Variants in HOXD4 observed in about 807,000 individuals in gnomAD.
The protein encoded by HOXD4 is homeobox protein Hox-D4.
HOXD4 carries 15 observed loss-of-function variants against 22.6 expected under a neutral mutation model. That is an observed-to-expected ratio of 0.67 (90% CI 0.45 to 1.02). The LOEUF is 1.02. HOXD4 is among the 50% of genes least tolerant of loss of function. The probability of loss-of-function intolerance (pLI) is 0.00; values close to 1 mark genes in which losing one functional copy is unlikely to be tolerated. For missense variants in HOXD4, 350 were observed against 346.6 expected (o/e 1.01, Z -0.08); for synonymous variants, 176 against 157.0 (o/e 1.12, Z -0.90).
Position 176,152,689 on chromosome 2 carries a change from A to C in HOXD4, c.515A>C (p.Glu172Ala). Residue 172 changes from glutamate to alanine, a missense_variant, in exon 2 of 2, where the codon GAA becomes GCA. Physicochemically the swap from Glu to Ala is moderately radical, Grantham distance 107. Coordinates refer to ENST00000306324, the MANE Select transcript of HOXD4 (RefSeq NM_014621.3). This position sits in a 1 kb window ranked among gnomAD's most constrained non-coding sequence, Gnocchi z 5.2. The part of the protein sequence containing the change: ...TRQQVLELEK[E>A]FHFNRYLTRR... ...CAGCAAGTCCTAGAACTGGAAAAAG[A>C]ATTTCATTTTAACAGGTATCTGACA... The C allele has an allele frequency of 6.2e-7, 1 of 1,614,132 alleles. No individual in the cohort carries two copies. The highest frequency in any genetic ancestry group is 1.1e-5 in the South Asian group (1 of 91,082).
Position 176,153,131 on chromosome 2 carries a change from T to TTG in HOXD4, c.*189_*190insTG. 2.9e-6 allele frequency: 1 copy of TTG among 347,150 alleles called. No homozygotes were observed. Among genetic ancestry groups the TTG allele is most frequent in the East Asian group, 8.0e-5 (1 of 12,544 alleles). 21.5% of individuals were successfully genotyped at this position (347,150 alleles called of 1,614,324 possible). A position where few individuals can be genotyped will look rare whatever the true frequency, so the allele number is the denominator to read the frequency against. On this transcript the variant is annotated 3_prime_UTR_variant, in exon 2 of 2. Coordinates refer to ENST00000306324, the MANE Select transcript of HOXD4 (RefSeq NM_014621.3). ...CCCCCTCCCTAGAGCGGGATGGGGA[T>TTG]GGGAGGGGGGGCGGGATTCTCTCTC...
chr2:176,152,152 C>T lies in HOXD4; in HGVS notation c.433+86C>T, dbSNP rs1690545182. On this transcript the variant is annotated intron_variant, in intron 1 of 1. Transcript: ENST00000306324. The surrounding 1 kb of genome is among the most constrained non-coding windows in gnomAD (Gnocchi z 5.2). ...GGAAGGGGGTGCGAGTAGGTGGGGG[C>T]GTGTGGAGCTTCCATGGGCGCCGCA... The T allele has an allele frequency of 1.7e-6, 2 of 1,154,998 alleles. No individual in the cohort carries two copies. Among genetic ancestry groups the T allele is most frequent in the African/African-American group, 1.5e-5 (1 of 65,540 alleles). The allele number at this position is 1,154,998 out of a possible 1,614,324, so 71.5% of individuals were successfully genotyped here.
chr2:176,151,915 G>A lies in HOXD4; in HGVS notation c.282G>A (p.Glu94=), dbSNP rs772092824. 3 of 1,598,648 alleles carry A rather than the reference G, an allele frequency of 1.9e-6. No homozygotes were observed. The highest frequency in any genetic ancestry group is 2.3e-5 in the East Asian group (1 of 44,352). The change falls in exon 1 of 2, where the codon GAG becomes GAA. Residue 94 remains glutamate (E), a synonymous_variant. Coordinates refer to ENST00000306324, the MANE Select transcript of HOXD4 (RefSeq NM_014621.3). ...GPGGHYAAPG[E]PCPAPPAPPP... ...GCGGTCACTACGCCGCTCCAGGAGA[G>A]CCTTGCCCAGCTCCCCCGGCGCCTC...
At position 176,152,006 on chromosome 2, in the gene HOXD4, A is replaced by C; in HGVS notation, c.373A>C (p.Thr125Pro). 1 of 1,613,304 alleles carries C rather than the reference A, an allele frequency of 6.2e-7. No individual in the cohort carries two copies. Among genetic ancestry groups the C allele is most frequent in the Non-Finnish European group, 8.5e-7 (1 of 1,179,796 alleles). The change falls in exon 1 of 2, where the codon ACG becomes CCG. Residue 125 changes from threonine (T) to proline (P), a missense_variant. Thr to Pro is a conservative substitution (Grantham distance 38, BLOSUM62 -1). Transcript: ENST00000306324. This position sits in a 1 kb window ranked among gnomAD's most constrained non-coding sequence, Gnocchi z 5.2. ...CGACCCCAAGCAGCCGCCCTCCGGG[A>C]CGGCACTCAAGCAGCCGGCCGTGGT... ...QSDPKQPPSG[T>P]ALKQPAVVYP...
rs564014954 is a variant in HOXD4, at chr2:176,151,771, C to G, written c.138C>G (p.Phe46Leu). The G allele has an allele frequency of 6.2e-6, 10 of 1,612,708 alleles. No homozygotes were observed. The South Asian group carries it at 7.7e-5, about 12-fold the overall frequency. Residue 46 changes from phenylalanine to leucine, a missense_variant, in exon 1 of 2, where the codon TTC (phenylalanine) becomes TTG (leucine). Phe to Leu is a conservative substitution (Grantham distance 22). Transcript: ENST00000306324. ...GCGGCGGCGCGCAGGGCGCAGACTTCCAGCCCCCGGGGCTCTACCCACGGC... is the reference window on the plus strand; with the variant it reads ...GCGGCGGCGCGCAGGGCGCAGACTTGCAGCCCCCGGGGCTCTACCCACGGC... ...YYGGGAQGADFQPPGLYPRPD... is the reference protein window; with the variant it reads ...YYGGGAQGADLQPPGLYPRPD...
rs1480182988 is a variant in HOXD4 at position 176,152,956 on chromosome 2, G to C, written c.*14G>C. On this transcript the variant is annotated 3_prime_UTR_variant, in exon 2 of 2. Transcript: ENST00000306324. The surrounding 1 kb of genome is among the most constrained non-coding windows in gnomAD (Gnocchi z 5.2). The stretch of plus-strand genomic sequence containing the variant: ...ACGACCTTATAGAAGTGGGGACCCT[G>C]GGCCCATCTCTCCCTGCGCACCAGG... 1 of 1,612,648 alleles carries C rather than the reference G, an allele frequency of 6.2e-7. No homozygotes were observed.
At position 176,151,743 on chromosome 2, in the gene HOXD4, A is replaced by ACGG. The variant is rs1690526624; in HGVS notation, c.119_121dup (p.Gly40dup). ...CTAGGCGAGCAGGGCGCCGACTACT[A>ACGG]CGGCGGCGGCGCGCAGGGCGCAGAC... On this transcript the variant is annotated inframe_insertion, in exon 1 of 2. Coordinates refer to ENST00000306324, the MANE Select transcript of HOXD4 (RefSeq NM_014621.3). 1 of 1,613,046 alleles carries ACGG rather than the reference A, an allele frequency of 6.2e-7. No homozygotes were observed. Among genetic ancestry groups the ACGG allele is most frequent in the Non-Finnish European group, 8.5e-7 (1 of 1,179,906 alleles).
Position 176,152,647 on chromosome 2 carries a change from G to C in HOXD4, c.473G>C (p.Arg158Pro). The change falls in exon 2 of 2, where the codon CGA becomes CCA. Residue 158 changes from arginine to proline, a missense_variant. Physicochemically the swap from Arg to Pro is moderately radical, Grantham distance 103. Coordinates refer to ENST00000306324, the MANE Select transcript of HOXD4 (RefSeq NM_014621.3). The surrounding 1 kb of genome is among the most constrained non-coding windows in gnomAD (Gnocchi z 5.2). Reference sequence around the variant, plus strand: ...ACCGGTGGGGAACCCAAGCGGTCCCGAACGGCCTACACCCGGCAGCAAGTC... The same window carrying C: ...ACCGGTGGGGAACCCAAGCGGTCCCCAACGGCCTACACCCGGCAGCAAGTC... The part of the protein sequence containing the change: ...NYTGGEPKRS[R>P]TAYTRQQVLE... The C allele has an allele frequency of 6.2e-7, 1 of 1,614,110 alleles. No homozygotes were observed. The highest frequency in any genetic ancestry group is 1.1e-5 in the South Asian group (1 of 91,068).
chr2:176,152,792 G>A lies in HOXD4; in HGVS notation c.618G>A (p.Arg206=), dbSNP rs115586056. The change falls in exon 2 of 2, where the codon AGG becomes AGA. Residue 206 remains arginine, a synonymous_variant. Transcript: ENST00000306324. This position sits in a 1 kb window ranked among gnomAD's most constrained non-coding sequence, Gnocchi z 5.2. ...RQIKIWFQNR[R]MKWKKDHKLP... ...TCAAGATCTGGTTCCAGAACCGGAGGATGAAGTGGAAAAAAGATCATAAGC... is the reference window on the plus strand; with the variant it reads ...TCAAGATCTGGTTCCAGAACCGGAGAATGAAGTGGAAAAAAGATCATAAGC... 6.5e-5 allele frequency: 105 copies of A among 1,614,176 alleles called. No individual in the cohort carries two copies. The African/African-American group carries it at 1.1e-3, about 16-fold the overall frequency.
Position 176,153,024 on chromosome 2 carries a change from C to G in HOXD4, c.*82C>G. 7.4e-7 allele frequency: 1 copy of G among 1,348,700 alleles called. No individual in the cohort carries two copies. The highest frequency in any genetic ancestry group is 1.1e-6 in the Non-Finnish European group (1 of 946,096). The allele number at this position is 1,348,700 out of a possible 1,614,324, so 83.5% of individuals were successfully genotyped here. A position where few individuals can be genotyped will look rare whatever the true frequency, so the allele number is the denominator to read the frequency against. On this transcript the variant is annotated 3_prime_UTR_variant, in exon 2 of 2. Transcript: ENST00000306324. ...GGGCAGGCCGGGCCTGCTGTCACCT[C>G]GCTGGGCTCTAAGGTACTGTGGGGT...
rs1236088262 is a variant in HOXD4 at position 176,153,142 on chromosome 2, G to T, written c.*200G>T. 1.8e-5 allele frequency: 9 copies of T among 490,260 alleles called. No individual in the cohort carries two copies. Among genetic ancestry groups the T allele is most frequent in the South Asian group, 1.8e-4 (9 of 49,708 alleles). The allele number at this position is 490,260 out of a possible 1,614,324, so 30.4% of individuals were successfully genotyped here. A position where few individuals can be genotyped will look rare whatever the true frequency, so the allele number is the denominator to read the frequency against. On this transcript the variant is annotated 3_prime_UTR_variant, in exon 2 of 2. Coordinates refer to ENST00000306324, the MANE Select transcript of HOXD4 (RefSeq NM_014621.3). ...GAGCGGGATGGGGATGGGAGGGGGGGCGGGATTCTCTCTCTAAGTATATTA... is the reference window on the plus strand; with the variant it reads ...GAGCGGGATGGGGATGGGAGGGGGGTCGGGATTCTCTCTCTAAGTATATTA...
chr2:176,151,947 C>A lies in HOXD4; in HGVS notation c.314C>A (p.Ala105Glu). 1 of 1,609,640 alleles carries A rather than the reference C, an allele frequency of 6.2e-7. No homozygotes were observed. ...CCAGCTCCCCCGGCGCCTCCGCCGGCGCCCCTGCCTGGCGCCCGGGCCTAC... is the reference window on the plus strand; with the variant it reads ...CCAGCTCCCCCGGCGCCTCCGCCGGAGCCCCTGCCTGGCGCCCGGGCCTAC... ...PCPAPPAPPP[A>E]PLPGARAYSQ... Residue 105 changes from alanine to glutamate, a missense_variant, in exon 1 of 2, where the codon GCG (alanine) becomes GAG (glutamate). Transcript: ENST00000306324.
At position 176,153,117 on chromosome 2, in the gene HOXD4, G is replaced by T. The variant is rs2105424369; in HGVS notation, c.*175G>T. The T allele has an allele frequency of 2.5e-6, 1 of 404,340 alleles. No homozygotes were observed. Among genetic ancestry groups the T allele is most frequent in the Non-Finnish European group, 4.8e-6 (1 of 208,594 alleles). The allele number at this position is 404,340 out of a possible 1,614,324, so 25.0% of individuals were successfully genotyped here. A position where few individuals can be genotyped will look rare whatever the true frequency, so the allele number is the denominator to read the frequency against. ...CTGCCCGAGGGCAGCCCCCTCCCTAGAGCGGGATGGGGATGGGAGGGGGGG... is the reference window on the plus strand; with the variant it reads ...CTGCCCGAGGGCAGCCCCCTCCCTATAGCGGGATGGGGATGGGAGGGGGGG... On this transcript the variant is annotated 3_prime_UTR_variant, in exon 2 of 2. Transcript: ENST00000306324.
chr2:176,151,843 C>G lies in HOXD4; in HGVS notation c.210C>G (p.Gly70=). 1 of 1,596,112 alleles carries G rather than the reference C, an allele frequency of 6.3e-7. No individual in the cohort carries two copies. Among genetic ancestry groups the G allele is most frequent in the East Asian group, 2.3e-5 (1 of 44,028 alleles). Residue 70 remains glycine (G), a synonymous_variant, in exon 1 of 2, where the codon GGC becomes GGG. Coordinates refer to ENST00000306324, the MANE Select transcript of HOXD4 (RefSeq NM_014621.3). The part of the protein sequence containing the change: ...QPFGGSGPGP[G]SALPARGHGQ... ...TCGGAGGCAGCGGCCCCGGGCCTGG[C>G]TCGGCGCTGCCTGCGCGGGGTCACG...
Position 176,151,857 on chromosome 2 carries a change from C to A in HOXD4, c.224C>A (p.Ala75Glu). The A allele has an allele frequency of 6.3e-7, 1 of 1,588,468 alleles. No individual in the cohort carries two copies. The highest frequency in any genetic ancestry group is 1.1e-5 in the South Asian group (1 of 89,118). The change falls in exon 1 of 2, where the codon GCG (alanine) becomes GAG (glutamate). Residue 75 changes from alanine (A) to glutamate (E), a missense_variant. Transcript: ENST00000306324. ...CCCGGGCCTGGCTCGGCGCTGCCTG[C>A]GCGGGGTCACGGACAAGAGCCAGGC... is the stretch of plus-strand genomic sequence containing the variant. Reference protein sequence around the residue: ...SGPGPGSALPARGHGQEPGGP... With the variant: ...SGPGPGSALPERGHGQEPGGP...
At position 176,152,197 on chromosome 2, in the gene HOXD4, T is replaced by C. The variant is rs976421788; in HGVS notation, c.433+131T>C. 7.3e-6 allele frequency: 6 copies of C among 823,370 alleles called. No individual in the cohort carries two copies. The African/African-American group carries it at 1.0e-4, about 14-fold the overall frequency. The allele number at this position is 823,370 out of a possible 1,614,324, so 51.0% of individuals were successfully genotyped here. ...GCCGCAATTACTCTCCCCATAAATT[T>C]TTATAGCTGAGGGAGCAGGTCAGGA... On this transcript the variant is annotated intron_variant, in intron 1 of 1. Coordinates refer to ENST00000306324, the MANE Select transcript of HOXD4 (RefSeq NM_014621.3). The surrounding 1 kb of genome is among the most constrained non-coding windows in gnomAD (Gnocchi z 5.2).
In HOXD4 at chr2:176,151,708, G is replaced by A. The variant is rs2105422056; in HGVS notation, c.75G>A (p.Gln25=). The change falls in exon 1 of 2, where the codon CAG becomes CAA. Residue 25 remains glutamine (Q), a synonymous_variant. Coordinates refer to ENST00000306324, the MANE Select transcript of HOXD4 (RefSeq NM_014621.3). ...PKFPPCEEYL[Q]GGYLGEQGAD... ...TCCCTCCGTGCGAGGAGTATTTGCA[G>A]GGCGGCTACCTAGGCGAGCAGGGCG... 6.2e-7 allele frequency: 1 copy of A among 1,613,640 alleles called. No individual in the cohort carries two copies. The highest frequency in any genetic ancestry group is 1.1e-5 in the South Asian group (1 of 91,086).
Position 176,152,167 on chromosome 2 carries a change from T to A in HOXD4, c.433+101T>A, listed in dbSNP as rs910985786. The A allele has an allele frequency of 7.6e-6, 7 of 919,952 alleles. No homozygotes were observed. In the African/African-American group the frequency reaches 1.2e-4, roughly 16 times the overall value. 57.0% of individuals were successfully genotyped at this position (919,952 alleles called of 1,614,324 possible). ...TAGGTGGGGGCGTGTGGAGCTTCCA[T>A]GGGCGCCGCAATTACTCTCCCCATA... On this transcript the variant is annotated intron_variant, in intron 1 of 1. Transcript: ENST00000306324. This position sits in a 1 kb window ranked among gnomAD's most constrained non-coding sequence, Gnocchi z 5.2.
Position 176,151,965 on chromosome 2 carries a change from G to A in HOXD4, c.332G>A (p.Arg111Gln). ...CCGCCGGCGCCCCTGCCTGGCGCCC[G>A]GGCCTACAGTCAGTCCGACCCCAAG... ...APPPAPLPGA[R>Q]AYSQSDPKQP... The change falls in exon 1 of 2, where the codon CGG (arginine) becomes CAG (glutamine). Residue 111 changes from arginine to glutamine, a missense_variant. Physicochemically the swap from Arg to Gln is conservative, Grantham distance 43. Transcript: ENST00000306324. The A allele has an allele frequency of 3.1e-6, 5 of 1,612,102 alleles. No homozygotes were observed. Among genetic ancestry groups the A allele is most frequent in the African/African-American group, 2.7e-5 (2 of 75,002 alleles).
Sources: gnomAD v4.1 joint callset for allele counts on GRCh38, gnomAD v4.1.1 for gene constraint, Gnocchi (gnomAD v3.1) non-coding constraint, MANE v1.5 for transcripts, NCBI Gene and HGNC (gene_info 2026-07-23, HGNC 2026-07-21) for gene names.